The following DGLUCY variants were observed in gnomAD, a reference collection of about 807,000 sequenced individuals.
DGLUCY encodes the protein D-glutamate cyclase, mitochondrial.
A neutral mutation model predicts 58.5 loss-of-function variants in DGLUCY; 58 were observed. The observed-to-expected ratio is 0.99, with a 90% CI of 0.80 to 1.23. DGLUCY has a LOEUF of 1.23. Among genes scored for constraint, DGLUCY ranks in the 50% most tolerant of loss-of-function variants. DGLUCY has a pLI of 0.00. For missense variants in DGLUCY, 779 were observed against 784.7 expected, an observed-to-expected ratio of 0.99 and a Z score of 0.09; for synonymous variants, 325 against 314.1, an observed-to-expected ratio of 1.03 and a Z score of -0.37.
At chr14:91,062,731 A>G (rs1437681817) in intron 1 of DGLUCY, among the ~76,000 whole-genome samples, 2 of 151,606 alleles carry the variant, frequency 1.3e-5, no homozygotes, top group African/African-American at 4.8e-5. Flanking sequence ...GAAGCCTTGC[A>G]AGTTCCTTCA....
intron 1 of DGLUCY, among the ~76,000 whole-genome samples, chr14:91,086,084 C>A (rs545466130): frequency 3.3e-5 from 5 of 152,228 alleles, no homozygotes; most frequent in African/African-American, 1.2e-4. Flanking sequence ...TTGTGAACTG[C>A]GCATGTGAGG....
intron 1 of DGLUCY, among the ~76,000 whole-genome samples, chr14:91,140,265 A>G (rs1213737316): frequency 1.3e-5 from 2 of 152,228 alleles, no homozygotes; most frequent in Non-Finnish European, 1.5e-5. Flanking sequence ...CTTAGCTCAC[A>G]AACCTTACAA....
chr14:91,156,644 A>C (rs920998851), intron 1 of DGLUCY, among the ~76,000 whole-genome samples: 3 of 152,116 alleles, frequency 2.0e-5, no homozygotes, highest in African/African-American at 2.4e-5. Context: ...CTCCTCTCTG[A>C]TATATTTGAT....
chr14:91,124,801 T>A (rs1460499672), intron 1 of DGLUCY, among the ~76,000 whole-genome samples: 1 of 152,232 alleles, frequency 6.6e-6, no homozygotes, highest in Non-Finnish European at 1.5e-5. Context: ...GCAAAATTTA[T>A]TCAAAGACCT....
At chr14:91,183,741 A>G (rs1595863837) in intron 8 of DGLUCY, among the ~76,000 whole-genome samples, 1 of 152,340 alleles carries the variant, frequency 6.6e-6, no homozygotes, top group Admixed American at 6.5e-5. Flanking sequence ...CCACATACCT[A>G]GTAGGTGGTC....
At chr14:91,167,156 AAG>A in intron 3 of DGLUCY, 67 bp from the exon 4 acceptor site, 3 of 1,502,052 alleles carry the variant, frequency 2.0e-6, no homozygotes, top group Non-Finnish European at 1.8e-6. Flanking sequence ...AAAAAAAAGA[AAG>A]AAAATCAGTA....
chr14:91,126,934 C>A (rs2045721976), intron 1 of DGLUCY, among the ~76,000 whole-genome samples: 1 of 152,094 alleles, frequency 6.6e-6, no homozygotes, highest in African/African-American at 2.4e-5. Context: ...TGGCATCCAT[C>A]CATGGCCTTT....
intron 9 of DGLUCY, among the ~76,000 whole-genome samples, chr14:91,193,848 A>G (rs1322232372): frequency 6.6e-6 from 1 of 151,564 alleles, no homozygotes; most frequent in African/African-American, 2.4e-5. Flanking sequence ...TCTTAGAAAA[A>G]AAAAAAAAAA....
chr14:91,060,469 G>T, exon 1 of DGLUCY: 1 of 1,392,090 alleles, frequency 7.2e-7, no homozygotes, highest in South Asian at 1.7e-5. Context: ...GGGTCGCTAC[G>T]AGGGGAACCC....
intron 1 of DGLUCY, among the ~76,000 whole-genome samples, chr14:91,073,809 C>G: frequency 6.6e-6 from 1 of 152,020 alleles, no homozygotes; most frequent in South Asian, 2.1e-4. Flanking sequence ...CACTTGAACC[C>G]AGGAGTTCGA....
chr14:91,196,665 A>C (rs1248361754), intron 10 of DGLUCY, among the ~76,000 whole-genome samples, 191 bp downstream of exon 10: 1 of 151,096 alleles, frequency 6.6e-6, no homozygotes, highest in Admixed American at 6.7e-5. Flanking sequence ...GGGGCCTCAC[A>C]GAACATCTCT....
Position 91,181,197 on chromosome 14 carries a change from G to A in DGLUCY, c.742G>A (p.Ala248Thr), listed in dbSNP as rs1429370258. 8.7e-6 allele frequency: 14 copies of A among 1,614,018 alleles called. No homozygotes were observed. The East Asian group carries it at 3.1e-4, about 36-fold the overall frequency. The change falls in exon 8 of 14, where the codon GCT becomes ACT. Residue 248 changes from alanine (A) to threonine (T), a missense_variant. Physicochemically the swap from Ala to Thr is moderately conservative, Grantham distance 58 (BLOSUM62 0). Transcript: ENST00000256324. ...GCTGTGTGTTTTAGAGACCCCACTGGCTTTTGCCAGCATCCCAGGCTGCAC... is the reference window on the plus strand; with the variant it reads ...GCTGTGTGTTTTAGAGACCCCACTGACTTTTGCCAGCATCCCAGGCTGCAC... Reference protein sequence around the residue: ...GAVSSCETPLAFASIPGCTVM... With the variant: ...GAVSSCETPLTFASIPGCTVM...
exon 1 of DGLUCY, chr14:91,060,647 CA>C (rs2043638267): frequency 3.7e-6 from 2 of 538,588 alleles, no homozygotes; most frequent in Admixed American, 9.0e-5. Context: ...ACCGCGCAAC[CA>C]AACCGCCCCC....
intron 7 of DGLUCY, among the ~76,000 whole-genome samples, chr14:91,180,654 T>A (rs975921311): frequency 4.0e-5 from 6 of 151,718 alleles, no homozygotes; most frequent in Non-Finnish European, 8.8e-5. Flanking sequence ...CAGTTCTTAA[T>A]AACTATGCTA....
At chr14:91,083,522 C>CAA (rs761458676) in intron 1 of DGLUCY, among the ~76,000 whole-genome samples, 106 of 52,126 alleles carry the variant, frequency 2.0e-3, no homozygotes, top group African/African-American at 5.7e-3. Flanking sequence ...GATTCCGTCT[C>CAA]AAAAAAAAAA....
chr14:91,213,403 C>A (rs1886015527), intron 12 of DGLUCY, among the ~76,000 whole-genome samples: 1 of 151,878 alleles, frequency 6.6e-6, no homozygotes, highest in African/African-American at 2.4e-5. Flanking sequence ...ACACTGCACT[C>A]CAGCATGGGC....
At chr14:91,146,795 ATTC>A (rs1289845267) in intron 1 of DGLUCY, among the ~76,000 whole-genome samples, 2 of 152,068 alleles carry the variant, frequency 1.3e-5, no homozygotes, top group Non-Finnish European at 2.9e-5. Context: ...CTGTGCTCCT[ATTC>A]TTTATGTTCT....
intron 1 of DGLUCY, among the ~76,000 whole-genome samples, chr14:91,121,170 G>T (rs1391739857): frequency 6.6e-6 from 1 of 152,166 alleles, no homozygotes; most frequent in Non-Finnish European, 1.5e-5. Context: ...GGCCATACCT[G>T]CCTGACACTG....
chr14:91,134,512 A>G (rs967735785), intron 1 of DGLUCY, among the ~76,000 whole-genome samples: 1 of 151,474 alleles, frequency 6.6e-6, no homozygotes, highest in African/African-American at 2.4e-5. Context: ...CTCTCAGCTC[A>G]CTGCAACCTT....
Sources: gnomAD v4.1 joint callset for allele counts (sites outside exome capture counted in the v4.1 genomes callset) on GRCh38, gnomAD v4.1.1 for gene constraint, MANE v1.5 for transcripts, NCBI Gene and HGNC (gene_info 2026-07-23, HGNC 2026-07-21) for gene names.